The following IQGAP2 variants were observed in gnomAD, a reference collection of about 807,000 sequenced individuals.
The protein encoded by IQGAP2 is ras GTPase-activating-like protein IQGAP2.
IQGAP2 carries 173 observed loss-of-function variants against 201.3 expected under a neutral mutation model. The observed-to-expected ratio is 0.86, with a 90% CI of 0.76 to 0.98. The LOEUF is 0.98. Among genes scored for constraint, IQGAP2 ranks in the 50% least tolerant of loss-of-function variants. The probability of loss-of-function intolerance (pLI) is 0.00; values close to 1 mark genes in which losing one functional copy is unlikely to be tolerated. For synonymous variants in IQGAP2, 675 were observed against 673.9 expected (o/e 1.00, Z -0.03); for missense variants, 1,687 against 1,864.8 (o/e 0.90, Z 1.76).
At chr5:76,486,862 C>T (rs943239911) in intron 2 of IQGAP2, among the ~76,000 whole-genome samples, 1 of 151,924 alleles carries the variant, frequency 6.6e-6, no homozygotes, top group African/African-American at 2.4e-5. Context: ...ATTTATTTTC[C>T]TTTTTATATC....
At chr5:76,487,023 T>A (rs1007501567) in intron 2 of IQGAP2, among the ~76,000 whole-genome samples, 1 of 152,138 alleles carries the variant, frequency 6.6e-6, no homozygotes, top group Non-Finnish European at 1.5e-5. Context: ...ACAATAGTGT[T>A]TTTTTAATGT....
At chr5:76,660,940 T>A (rs968502672) in intron 21 of IQGAP2, among the ~76,000 whole-genome samples, 9 of 152,214 alleles carry the variant, frequency 5.9e-5, no homozygotes, top group African/African-American at 2.2e-4. Context: ...GTTTTTAGAC[T>A]ATTTTAAAGC....
intron 2 of IQGAP2, among the ~76,000 whole-genome samples, chr5:76,538,210 G>A (rs1333219774): frequency 6.6e-6 from 1 of 152,158 alleles, no homozygotes; most frequent in Non-Finnish European, 1.5e-5. Flanking sequence ...GATCTCGTGA[G>A]ACTTATTTGC....
At position 76,403,739 on chromosome 5, in the gene IQGAP2, G is replaced by A. The variant is rs1190670949; in HGVS notation, c.46+148G>A. On this transcript the variant is annotated intron_variant, in intron 1 of 35. Transcript: ENST00000274364. The surrounding 1 kb of genome is among the most constrained non-coding windows in gnomAD (Gnocchi z 4.8). ...GCGGCTGGCAAAGTTGGGAGCTGGA[G>A]TTGCAAAGGGCAGTGAATCGCGTCC... The A allele has an allele frequency of 3.4e-6, 2 of 588,104 alleles. No homozygotes were observed. The highest frequency in any genetic ancestry group is 7.0e-5 in the East Asian group (2 of 28,370). 36.4% of individuals were successfully genotyped at this position (588,104 alleles called of 1,614,324 possible).
rs142690565 is a variant in IQGAP2, at chr5:76,560,726, T to A, written c.147-1670T>A. On this transcript the variant is annotated intron_variant, in intron 2 of 35. Transcript: ENST00000274364. ...ATGGTTCTCTGGCTTTTCCTTAGAA[T>A]TGTGTTGCCTTCTTAATTATATTTA... Among the ~76,000 whole-genome samples the A allele has an allele frequency of 3.2e-3, 485 of 152,322 alleles. 4 individuals carry two copies. The highest frequency in any genetic ancestry group is 0.011 in the African/African-American group (468 of 41,580).
intron 15 of IQGAP2, among the ~76,000 whole-genome samples, chr5:76,632,616 A>G (rs967272640): frequency 6.6e-6 from 1 of 152,144 alleles, no homozygotes; most frequent in Non-Finnish European, 1.5e-5. Flanking sequence ...GGTAGACCCA[A>G]GGACAATTAA....
chr5:76,459,098 T>TG (rs1420936110), intron 1 of IQGAP2, among the ~76,000 whole-genome samples: 1 of 152,272 alleles, frequency 6.6e-6, no homozygotes, highest in East Asian at 1.9e-4. Flanking sequence ...ATGTTGCAAT[T>TG]GCAATTTAAA....
intron 1 of IQGAP2, among the ~76,000 whole-genome samples, chr5:76,420,879 C>T (rs140605817): frequency 6.6e-6 from 1 of 152,204 alleles, no homozygotes; most frequent in Admixed American, 6.5e-5. Flanking sequence ...CTTCAGGGTT[C>T]AACCATGTCA....
chr5:76,588,113 T>C (rs1746377466), intron 5 of IQGAP2, among the ~76,000 whole-genome samples: 1 of 152,208 alleles, frequency 6.6e-6, no homozygotes, highest in African/African-American at 2.4e-5. Flanking sequence ...CTATAAACTA[T>C]GGAGCTTCAT....
In IQGAP2 at chr5:76,412,028, C is replaced by T. The variant is rs566270414; in HGVS notation, c.46+8437C>T. On this transcript the variant is annotated intron_variant, in intron 1 of 35. Coordinates refer to ENST00000274364, the MANE Select transcript of IQGAP2 (RefSeq NM_006633.5). ...GATGTCCTCCTTCTCCATTTTTTTT[C>T]TCTCCAGGACACCTTACAGTGTTAT... Among the ~76,000 whole-genome samples the T allele has an allele frequency of 7.9e-5, 12 of 152,194 alleles. No individual in the cohort carries two copies. The South Asian group carries it at 2.5e-3, about 32-fold the overall frequency.
At chr5:76,558,164 C>A (rs1008538593) in intron 2 of IQGAP2, among the ~76,000 whole-genome samples, 1 of 152,140 alleles carries the variant, frequency 6.6e-6, no homozygotes, top group Non-Finnish European at 1.5e-5. Context: ...AATGTGATTA[C>A]CTCTTTTTAA....
intron 17 of IQGAP2, among the ~76,000 whole-genome samples, chr5:76,644,295 C>CTTTTTTTT (rs547155944): frequency 0.13 from 6,014 of 47,014 alleles, 1,519 homozygotes; most frequent in South Asian, 0.33. Flanking sequence ...TTTGTAAATC[C>CTTTTTTTT]TTTTTTTTTT....
chr5:76,679,185 G>A (rs1295800015), intron 28 of IQGAP2, among the ~76,000 whole-genome samples: 1 of 152,210 alleles, frequency 6.6e-6, no homozygotes, highest in African/African-American at 2.4e-5. Flanking sequence ...CGAAAAAAAT[G>A]GTGGGGAGTA....
chr5:76,673,615 ACATTC>A, intron 25 of IQGAP2, 26 bp downstream of exon 25: 7 of 1,610,790 alleles, frequency 4.3e-6, no homozygotes, highest in Non-Finnish European at 5.9e-6. Flanking sequence ...AGCAAGTTTA[ACATTC>A]TTTCCTGGAA....
chr5:76,412,473 T>C (rs191613451), intron 1 of IQGAP2, among the ~76,000 whole-genome samples: 20 of 152,322 alleles, frequency 1.3e-4, no homozygotes, highest in African/African-American at 4.6e-4. Context: ...ACATAGTTCC[T>C]GATAATTTTG....
intron 2 of IQGAP2, among the ~76,000 whole-genome samples, chr5:76,531,052 A>AG (rs989209532): frequency 7.2e-5 from 11 of 152,206 alleles, no homozygotes; most frequent in African/African-American, 2.7e-4. Flanking sequence ...AAAACACCCA[A>AG]GACTAGGTAA....
rs1394476660 is a variant in IQGAP2, at chr5:76,543,134, G to T, written c.147-19262G>T. Reference sequence around the variant, plus strand: ...TGAAGCTGCGTCACAGCCATGAAATGGAGGCATTGTGAAACCCAAGCCGGC... The same window carrying T: ...TGAAGCTGCGTCACAGCCATGAAATTGAGGCATTGTGAAACCCAAGCCGGC... On this transcript the variant is annotated intron_variant, in intron 2 of 35. Coordinates refer to ENST00000274364, the MANE Select transcript of IQGAP2 (RefSeq NM_006633.5). Among the ~76,000 whole-genome samples the T allele has an allele frequency of 2.0e-5, 3 of 152,182 alleles. No homozygotes were observed. The East Asian group carries it at 5.8e-4, about 29-fold the overall frequency.
At chr5:76,522,109 G>A (rs1245600482) in intron 2 of IQGAP2, among the ~76,000 whole-genome samples, 1 of 152,058 alleles carries the variant, frequency 6.6e-6, no homozygotes, top group Non-Finnish European at 1.5e-5. Flanking sequence ...TGATGTGAGA[G>A]AGAAAACAAA....
At chr5:76,666,568 A>T (rs1209552240) in intron 22 of IQGAP2, among the ~76,000 whole-genome samples, 1 of 152,254 alleles carries the variant, frequency 6.6e-6, no homozygotes, top group African/African-American at 2.4e-5. Context: ...TCCGCAAACA[A>T]TCCAAAATGT....
Sources: allele counts gnomAD v4.1 joint callset (sites outside exome capture counted in the v4.1 genomes callset), GRCh38; gene constraint gnomAD v4.1.1; non-coding constraint Gnocchi (gnomAD v3.1); transcripts MANE v1.5; gene names NCBI Gene and HGNC (gene_info 2026-07-23, HGNC 2026-07-21).